Variants in XIRP2 observed in about 807,000 individuals in gnomAD.
The protein encoded by XIRP2 is xin actin binding repeat containing 2.
A neutral mutation model predicts 277.0 loss-of-function variants in XIRP2; 236 were observed. The observed-to-expected ratio is 0.85, with a 90% CI of 0.77 to 0.95. The LOEUF is 0.95. Ranked by LOEUF, XIRP2 falls within the 40% of genes least tolerant of loss-of-function variation. The probability of loss-of-function intolerance (pLI) is 0.00; values close to 1 mark genes in which losing one functional copy is unlikely to be tolerated. For synonymous variants in XIRP2, 1,490 were observed against 1,416.5 expected, an observed-to-expected ratio of 1.05 and a Z score of -1.17; for missense variants, 4,640 against 4,157.5, an observed-to-expected ratio of 1.12 and a Z score of -3.19.
intron 2 of XIRP2, among the ~76,000 whole-genome samples, chr2:167,026,638 A>C (rs990865112): frequency 6.6e-6 from 1 of 152,008 alleles, no homozygotes; most frequent in Non-Finnish European, 1.5e-5. Flanking sequence ...GAGCTCTTTT[A>C]GGGCAGGCCT....
chr2:166,933,823 C>G (rs2105371401), intron 2 of XIRP2, among the ~76,000 whole-genome samples: 1 of 152,044 alleles, frequency 6.6e-6, no homozygotes, highest in Middle Eastern at 3.4e-3. Context: ...TTAAGGTTTT[C>G]CTAATACTAT....
intron 3 of XIRP2, among the ~76,000 whole-genome samples, chr2:167,138,823 T>G (rs181576373): frequency 4.1e-4 from 62 of 152,296 alleles, no homozygotes; most frequent in African/African-American, 1.4e-3. Flanking sequence ...CCCAGCATTT[T>G]GGGAGGCCAA....
chr2:167,079,351 A>G (rs1166964838), intron 2 of XIRP2, among the ~76,000 whole-genome samples: 2 of 152,202 alleles, frequency 1.3e-5, no homozygotes, highest in Admixed American at 6.5e-5. Flanking sequence ...GCTTCAAAAA[A>G]TGAGTTAGGG....
chr2:167,041,841 A>C (rs1044288494), intron 2 of XIRP2, among the ~76,000 whole-genome samples: 1 of 152,166 alleles, frequency 6.6e-6, no homozygotes, highest in Non-Finnish European at 1.5e-5. Context: ...GGAAATTCAA[A>C]GAAACATATG....
chr2:167,138,350 G>A (rs1274769954), intron 3 of XIRP2, among the ~76,000 whole-genome samples: 1 of 152,186 alleles, frequency 6.6e-6, no homozygotes, highest in African/African-American at 2.4e-5. Flanking sequence ...AGCAATGCCT[G>A]TCAGTTTGGT....
chr2:167,086,643 T>C (rs1182725815), intron 2 of XIRP2, among the ~76,000 whole-genome samples: 14 of 152,090 alleles, frequency 9.2e-5, no homozygotes, highest in Admixed American at 2.6e-4. Context: ...TGCTCATTTC[T>C]TTTTATTGTT....
At chr2:167,101,366 G>C (rs1398294736) in intron 2 of XIRP2, among the ~76,000 whole-genome samples, 1 of 152,106 alleles carries the variant, frequency 6.6e-6, no homozygotes, top group Non-Finnish European at 1.5e-5. Flanking sequence ...GTGGTGTTTG[G>C]TTGCATGAGT....
chr2:167,257,962 G>A lies in XIRP2; in HGVS notation c.*145G>A, dbSNP rs749515025. The A allele has an allele frequency of 6.8e-6, 11 of 1,613,024 alleles. No individual in the cohort carries two copies. The highest frequency in any genetic ancestry group is 9.3e-6 in the Non-Finnish European group (11 of 1,179,408). On this transcript the variant is annotated 3_prime_UTR_variant, in exon 11 of 11. Coordinates refer to ENST00000409195, the MANE Select transcript of XIRP2 (RefSeq NM_152381.6). The stretch of plus-strand genomic sequence containing the variant: ...ATGATGAAGGTTTTGGACATAAGCA[G>A]CATAAAGATAGATGGAACTGCAAAA...
At chr2:166,913,316 C>CT (rs71395264) in intron 2 of XIRP2, among the ~76,000 whole-genome samples, 2 of 131,176 alleles carry the variant, frequency 1.5e-5, no homozygotes, top group Non-Finnish European at 3.4e-5. Flanking sequence ...GGGCACCCCC[C>CT]CCCCCCAGCC....
At chr2:167,093,597 T>C (rs1383335386) in intron 2 of XIRP2, among the ~76,000 whole-genome samples, 2 of 152,162 alleles carry the variant, frequency 1.3e-5, no homozygotes, top group African/African-American at 4.8e-5. Context: ...GTTAGTTTAC[T>C]GAGAATGATG....
intron 2 of XIRP2, among the ~76,000 whole-genome samples, chr2:167,096,883 C>G (rs927875647): frequency 3.3e-5 from 5 of 152,038 alleles, no homozygotes; most frequent in Non-Finnish European, 7.4e-5. Context: ...CTTGAGTTCT[C>G]ATTTGATTGC....
chr2:167,232,097 T>G (rs1312556919), intron 5 of XIRP2, among the ~76,000 whole-genome samples: 3 of 152,026 alleles, frequency 2.0e-5, no homozygotes, highest in Non-Finnish European at 4.4e-5. Flanking sequence ...TGCTTGAAAC[T>G]GGGAGCTGTG....
At chr2:166,934,957 G>A (rs1363614805) in intron 2 of XIRP2, among the ~76,000 whole-genome samples, 3 of 152,148 alleles carry the variant, frequency 2.0e-5, no homozygotes, top group Non-Finnish European at 2.9e-5. Context: ...CTTGAACCCA[G>A]GAGGTGGAGG....
intron 2 of XIRP2, among the ~76,000 whole-genome samples, chr2:166,924,249 G>A (rs1685128643): frequency 6.6e-6 from 1 of 152,020 alleles, no homozygotes; most frequent in Non-Finnish European, 1.5e-5. Context: ...AGAAATACCT[G>A]GGTTAGGAAG....
chr2:167,160,950 G>T (rs891685513), intron 3 of XIRP2, among the ~76,000 whole-genome samples: 2 of 152,206 alleles, frequency 1.3e-5, no homozygotes, highest in Admixed American at 1.3e-4. Context: ...TACAGGTATT[G>T]GGTAAATAAC....
At chr2:166,920,386 A>G (rs568374264) in intron 2 of XIRP2, among the ~76,000 whole-genome samples, 118 of 152,286 alleles carry the variant, frequency 7.7e-4, no homozygotes, top group Non-Finnish European at 9.0e-4. Flanking sequence ...CTCTGAATTT[A>G]TGATGTCTGT....
At chr2:166,906,463 T>C (rs1219693655) in intron 2 of XIRP2, among the ~76,000 whole-genome samples, 1 of 152,096 alleles carries the variant, frequency 6.6e-6, no homozygotes, top group East Asian at 1.9e-4. Flanking sequence ...TATGTGTATG[T>C]ATATTTACTT....
intron 5 of XIRP2, among the ~76,000 whole-genome samples, chr2:167,225,241 T>C (rs963291820): frequency 2.0e-5 from 3 of 152,086 alleles, no homozygotes; most frequent in African/African-American, 4.8e-5. Context: ...ATAATTAATA[T>C]ACAAATTGAA....
At position 167,218,263 on chromosome 2, in the gene XIRP2, C is replaced by T. The variant is rs774963220; in HGVS notation, c.821C>T (p.Ala274Val). The change falls in exon 5 of 11, where the codon GCT (alanine) becomes GTT (valine). Residue 274 changes from alanine to valine, a missense_variant. By Grantham distance (64) the Ala-to-Val change is moderately conservative. Transcript: ENST00000409195. ...ATTACTTCTTCCCGTAATACCTTTG[C>T]TCAATACCAATATCAACATCAGAAC... is the stretch of plus-strand genomic sequence containing the variant. ...DEITSSRNTF[A>V]QYQYQHQNRS... 79 of 1,604,268 alleles carry T rather than the reference C, an allele frequency of 4.9e-5. 2 individuals are homozygous for T. The South Asian group carries it at 8.7e-4, about 18-fold the overall frequency.
Sources: gnomAD v4.1 joint callset for allele counts (sites outside exome capture counted in the v4.1 genomes callset) on GRCh38, gnomAD v4.1.1 for gene constraint, MANE v1.5 for transcripts, NCBI Gene and HGNC (gene_info 2026-07-23, HGNC 2026-07-21) for gene names.